The following MGAT4C variants were observed in gnomAD, a reference collection of about 807,000 sequenced individuals.
The protein encoded by MGAT4C is MGAT4 family member C.
In MGAT4C, 19 loss-of-function variants were observed where a neutral mutation model predicts 40.1. That is an observed-to-expected ratio of 0.47 (90% CI 0.33 to 0.70). The LOEUF (loss-of-function observed/expected upper bound fraction) is 0.70, where lower values mean the gene tolerates loss of function less well. Ranked by LOEUF, MGAT4C falls within the 30% of genes least tolerant of loss-of-function variation. The pLI, the probability that MGAT4C is intolerant of heterozygous loss-of-function variation, is 0.02. For missense variants in MGAT4C, 491 were observed against 563.2 expected, an observed-to-expected ratio of 0.87 and a Z score of 1.30; for synonymous variants, 181 against 187.1, an observed-to-expected ratio of 0.97 and a Z score of 0.27.
At chr12:86,646,469 A>G (rs539269616) in intron 2 of MGAT4C, among the ~76,000 whole-genome samples, 6 of 151,940 alleles carry the variant, frequency 3.9e-5, no homozygotes. Context: ...GATTTCAAAA[A>G]TCCAGAAACA....
At chr12:86,289,238 G>C (rs1046340527) in intron 4 of MGAT4C, among the ~76,000 whole-genome samples, 2 of 151,878 alleles carry the variant, frequency 1.3e-5, no homozygotes, top group African/African-American at 4.8e-5. Flanking sequence ...ATTATTTCTG[G>C]GCTCTCTATT....
chr12:86,737,545 A>G (rs1951006232), intron 1 of MGAT4C, among the ~76,000 whole-genome samples: 1 of 151,330 alleles, frequency 6.6e-6, no homozygotes, highest in Admixed American at 6.6e-5. Context: ...CCAGTTTCGA[A>G]GACAAATTCC....
At chr12:86,111,312 T>G (rs1019184679) in intron 1 of MGAT4C, among the ~76,000 whole-genome samples, 2 of 151,834 alleles carry the variant, frequency 1.3e-5, no homozygotes, top group African/African-American at 4.8e-5. Context: ...CATAATCAAA[T>G]AAGAAATGTT....
chr12:86,066,900 T>C (rs954959798), intron 1 of MGAT4C, among the ~76,000 whole-genome samples: 3 of 152,054 alleles, frequency 2.0e-5, no homozygotes, highest in African/African-American at 4.8e-5. Context: ...AGGTGAAGGA[T>C]ATGAACAGAC....
At chr12:86,033,498 A>T (rs1890949009) in intron 2 of MGAT4C, among the ~76,000 whole-genome samples, 1 of 149,306 alleles carries the variant, frequency 6.7e-6, no homozygotes, top group African/African-American at 2.4e-5. Context: ...ATTTCTAGGT[A>T]ATTTTTTTTC....
At chr12:86,423,786 T>A (rs1035360955) in intron 3 of MGAT4C, among the ~76,000 whole-genome samples, 1 of 152,204 alleles carries the variant, frequency 6.6e-6, no homozygotes, top group Admixed American at 6.5e-5. Flanking sequence ...ACTATTAGCG[T>A]GATTCCTCAC....
chr12:86,053,678 G>T (rs1189785620), intron 1 of MGAT4C, among the ~76,000 whole-genome samples: 1 of 151,906 alleles, frequency 6.6e-6, no homozygotes, highest in African/African-American at 2.4e-5. Flanking sequence ...TTGTAACCGT[G>T]TATCTCCTAA....
intron 1 of MGAT4C, among the ~76,000 whole-genome samples, chr12:86,065,092 C>T (rs535244626): frequency 6.6e-6 from 1 of 152,190 alleles, no homozygotes; most frequent in East Asian, 1.9e-4. Context: ...CAAAAAAAGC[C>T]CACGACCAGA....
intron 3 of MGAT4C, among the ~76,000 whole-genome samples, chr12:86,419,379 C>T (rs1440641809): frequency 6.6e-6 from 1 of 151,358 alleles, no homozygotes; most frequent in Non-Finnish European, 1.5e-5. Context: ...TTGAGATATA[C>T]ATACATATAT....
chr12:86,613,750 G>T (rs1332845245), intron 2 of MGAT4C, among the ~76,000 whole-genome samples: 1 of 151,934 alleles, frequency 6.6e-6, no homozygotes, highest in Non-Finnish European at 1.5e-5. Flanking sequence ...TATATTTTAG[G>T]TTCAATATAT....
At chr12:86,617,584 A>T (rs978429311) in intron 2 of MGAT4C, among the ~76,000 whole-genome samples, 1 of 152,098 alleles carries the variant, frequency 6.6e-6, no homozygotes, top group African/African-American at 2.4e-5. Context: ...GCTATGCTGG[A>T]GGCTGAGGCA....
In MGAT4C at chr12:86,241,729, G is replaced by T. The variant is rs918254703; in HGVS notation, c.-57+14510C>A. ...TACTAGACCTGTTTGACTGCTTTAT[G>T]TGGGAAAGCACTTTATAAAGTGCCT... On this transcript the variant is annotated intron_variant, in intron 1 of 4. Transcript: ENST00000611864. 2.0e-5 allele frequency among the ~76,000 whole-genome samples: 3 copies of T among 152,132 alleles called. No individual in the cohort carries two copies. The East Asian group carries it at 5.8e-4, about 29-fold the overall frequency.
At chr12:86,514,669 G>A (rs1264359256) in intron 2 of MGAT4C, among the ~76,000 whole-genome samples, 1 of 152,144 alleles carries the variant, frequency 6.6e-6, no homozygotes, top group African/African-American at 2.4e-5. Flanking sequence ...GACACACTCT[G>A]ATAATGCTGG....
At chr12:86,508,791 G>T (rs1345598329) in intron 2 of MGAT4C, among the ~76,000 whole-genome samples, 2 of 148,964 alleles carry the variant, frequency 1.3e-5, no homozygotes, top group Non-Finnish European at 3.0e-5. Flanking sequence ...GTTTTGATTT[G>T]CATTTCTCTG....
intron 2 of MGAT4C, among the ~76,000 whole-genome samples, chr12:86,640,449 TC>T (rs1963348080): frequency 6.6e-6 from 1 of 151,896 alleles, no homozygotes; most frequent in Non-Finnish European, 1.5e-5. Context: ...GGTGGTGATA[TC>T]CCCTTTATCA....
At chr12:86,234,944 T>C (rs1255201952) in intron 1 of MGAT4C, among the ~76,000 whole-genome samples, 1 of 152,094 alleles carries the variant, frequency 6.6e-6, no homozygotes, top group Non-Finnish European at 1.5e-5. Flanking sequence ...TTATTACGTC[T>C]CTTTTAGTGT....
At chr12:86,488,091 T>C (rs1958055726) in intron 2 of MGAT4C, among the ~76,000 whole-genome samples, 2 of 152,128 alleles carry the variant, frequency 1.3e-5, no homozygotes, top group Admixed American at 6.6e-5. Context: ...AAACACAGTA[T>C]GCAAAATATT....
Position 86,281,344 on chromosome 12 carries a change from C to T in MGAT4C, c.-57+52721G>A, listed in dbSNP as rs572134207. On this transcript the variant is annotated intron_variant, in intron 4 of 7. Coordinates refer to the MGAT4C transcript ENST00000548651. Reference sequence around the variant, plus strand: ...TCCCCTTCCTATCCCTCATTTCCTCCCCCTTTCCTTCCTCTCTCCATCCCT... The same window carrying T: ...TCCCCTTCCTATCCCTCATTTCCTCTCCCTTTCCTTCCTCTCTCCATCCCT... 3.3e-5 allele frequency among the ~76,000 whole-genome samples: 5 copies of T among 151,976 alleles called. No individual in the cohort carries two copies. The South Asian group carries it at 8.3e-4, about 25-fold the overall frequency.
At chr12:86,659,493 C>A (rs1480362843) in intron 2 of MGAT4C, among the ~76,000 whole-genome samples, 1 of 151,948 alleles carries the variant, frequency 6.6e-6, no homozygotes, top group African/African-American at 2.4e-5. Context: ...CCAATCAGGA[C>A]AGGGAAACTA....
Sources: gnomAD v4.1 joint callset for allele counts (sites outside exome capture counted in the v4.1 genomes callset) on GRCh38, gnomAD v4.1.1 for gene constraint, MANE v1.5 for transcripts, NCBI Gene and HGNC (gene_info 2026-07-23, HGNC 2026-07-21) for gene names.